Variants in TNXB observed in about 807,000 individuals in gnomAD.
TNXB encodes the protein tenascin-X.
In TNXB, 183 loss-of-function variants were observed where a neutral mutation model predicts 340.5. That is an observed-to-expected ratio of 0.54 (90% CI 0.48 to 0.61). TNXB has a LOEUF of 0.61. Ranked by LOEUF, TNXB falls within the 20% of genes least tolerant of loss-of-function variation. The pLI is 0.00. For synonymous variants in TNXB, 2,121 were observed against 2,314.5 expected, an observed-to-expected ratio of 0.92 and a Z score of 2.40; for missense variants, 4,613 against 5,446.4, an observed-to-expected ratio of 0.85 and a Z score of 4.82.
In TNXB at chr6:32,082,461, G is replaced by A. The variant is rs1011243097; in HGVS notation, c.3446-135C>T. 1 of 911,570 alleles carries A rather than the reference G, an allele frequency of 1.1e-6. No homozygotes were observed. Among genetic ancestry groups the A allele is most frequent in the African/African-American group, 1.7e-5 (1 of 60,272 alleles). 56.5% of individuals were successfully genotyped at this position (911,570 alleles called of 1,614,324 possible). Reference sequence around the variant, plus strand: ...AAAGTGCATTTGCTGAGGGAGTACAGAGGGACTGAAATCCAGCCAGCACTC... The same window carrying A: ...AAAGTGCATTTGCTGAGGGAGTACAAAGGGACTGAAATCCAGCCAGCACTC... On this transcript the variant is annotated intron_variant, in intron 8 of 43. Transcript: ENST00000644971. The surrounding 1 kb of genome is among the most constrained non-coding windows in gnomAD (Gnocchi z 5.0).
At chr6:32,101,102 A>AAAAAAC (rs1780698575) in intron 1 of TNXB, among the ~76,000 whole-genome samples, 2 of 148,614 alleles carry the variant, frequency 1.3e-5, no homozygotes, top group African/African-American at 2.5e-5. Flanking sequence ...AAAAAAAAAA[A>AAAAAAC]TCTCTGCAAA....
Position 32,047,912 on chromosome 6 carries a change from G to C in TNXB, c.10146C>G (p.Phe3382Leu), listed in dbSNP as rs146798373. Residue 3382 changes from phenylalanine to leucine, a missense_variant, in exon 30 of 44, where the codon TTC becomes TTG. Around this residue, in one of 7 missense-constraint regions of TNXB, gnomAD observed 4,327 missense variants for 4,859.4 expected, o/e 0.89. Transcript: ENST00000644971. This position sits in a 1 kb window ranked among gnomAD's most constrained non-coding sequence, Gnocchi z 6.2. ...CCTTGTACTGGACCACGAAGGAGTC[G>C]AATTCGCCCTCAGGGACCGTCCACG... is the stretch of plus-strand genomic sequence containing the variant. ...GLSWTVPEGE[F>L]DSFVVQYKDK... 23 of 1,612,546 alleles carry C rather than the reference G, an allele frequency of 1.4e-5. No homozygotes were observed. Among genetic ancestry groups the C allele is most frequent in the Non-Finnish European group, 1.9e-5 (22 of 1,179,716 alleles).
In TNXB at chr6:32,048,429, T is replaced by C; in HGVS notation, c.9979A>G (p.Lys3327Glu). 7.0e-6 allele frequency: 11 copies of C among 1,569,336 alleles called. No individual in the cohort carries two copies. Among genetic ancestry groups the C allele is most frequent in the Non-Finnish European group, 8.7e-6 (10 of 1,155,116 alleles). ...VSGLDPARKY[K>E]FLLFGLQNGK... ...TTCTGGAGTCCAAAGAGCAGGAACTTGTACTTGCGGGCCGGGTCCAGCCCC... is the reference window on the plus strand; with the variant it reads ...TTCTGGAGTCCAAAGAGCAGGAACTCGTACTTGCGGGCCGGGTCCAGCCCC... The change falls in exon 29 of 44, where the codon AAG becomes GAG. Residue 3327 changes from lysine to glutamate, a missense_variant. By Grantham distance (56) the Lys-to-Glu change is moderately conservative (BLOSUM62 1). Coordinates refer to ENST00000644971, the MANE Select transcript of TNXB (RefSeq NM_001365276.2).
chr6:32,056,510 C>A, intron 23 of TNXB, 76 bp downstream of exon 23: 2 of 1,562,650 alleles, frequency 1.3e-6, no homozygotes, highest in Non-Finnish European at 1.7e-6. Context: ...TGGCCCATTC[C>A]CCACCAGTCA....
At chr6:32,048,226 C>T in intron 29 of TNXB, 137 bp downstream of exon 29, 1 of 1,097,140 alleles carries the variant, frequency 9.1e-7, no homozygotes, top group Non-Finnish European at 1.3e-6. Flanking sequence ...GAGGAGAGCT[C>T]AGGGCCTGGG....
chr6:32,088,799 ACAGAAG>A lies in TNXB; in HGVS notation c.2759_2764del (p.Ala920_Ser921del). The A allele has an allele frequency of 6.4e-7, 1 of 1,574,594 alleles. No individual in the cohort carries two copies. The highest frequency in any genetic ancestry group is 8.6e-7 in the Non-Finnish European group (1 of 1,161,082). Reference sequence around the variant, plus strand: ...GCCAGCCATACCTGTGTTGGCCCTGACAGAAGCTGGGTAGCTGACTGCCCGGCCCCG... The same window carrying A: ...GCCAGCCATACCTGTGTTGGCCCTGACTGGGTAGCTGACTGCCCGGCCCCG... On this transcript the variant is annotated inframe_deletion, in exon 6 of 44. Coordinates refer to ENST00000644971, the MANE Select transcript of TNXB (RefSeq NM_001365276.2).
chr6:32,097,636 T>G lies in TNXB; in HGVS notation c.403+160A>C. The stretch of plus-strand genomic sequence containing the variant: ...GCCCTCGCATATGCTTTGGTTGACA[T>G]GTAGCCCAGCTCTGCTCTCCAAGTT... On this transcript the variant is annotated intron_variant, in intron 2 of 43. Transcript: ENST00000644971. The surrounding 1 kb of genome is among the most constrained non-coding windows in gnomAD (Gnocchi z 5.9). 1 of 1,109,062 alleles carries G rather than the reference T, an allele frequency of 9.0e-7. No homozygotes were observed. Among genetic ancestry groups the G allele is most frequent in the Non-Finnish European group, 1.2e-6 (1 of 801,726 alleles). 68.7% of individuals were successfully genotyped at this position (1,109,062 alleles called of 1,614,324 possible). A position where few individuals can be genotyped will look rare whatever the true frequency, so the allele number is the denominator to read the frequency against.
At position 32,069,811 on chromosome 6, in the gene TNXB, G is replaced by A. The variant is rs1319084528; in HGVS notation, c.5329C>T (p.Arg1777Cys). 3 of 1,610,030 alleles carry A rather than the reference G, an allele frequency of 1.9e-6. No individual in the cohort carries two copies. Among genetic ancestry groups the A allele is most frequent in the Non-Finnish European group, 2.5e-6 (3 of 1,178,292 alleles). Residue 1777 changes from arginine to cysteine, a missense_variant, in exon 15 of 44, where the codon CGT becomes TGT. This residue lies in a region of TNXB where 4,327 missense variants were observed against 4,859.4 expected (regional missense o/e 0.89). Transcript: ENST00000644971. This position sits in a 1 kb window ranked among gnomAD's most constrained non-coding sequence, Gnocchi z 6.2. ...DTGTKRPPKP[R>C]LGEELQVTTV... ...GTCACCTGCAGCTCCTCCCCCAGAC[G>A]GGGTTTTGGGGGACGCTTTGTTCCA...
chr6:32,096,637 C>T lies in TNXB; in HGVS notation c.1216G>A (p.Gly406Ser), dbSNP rs1325904560. Reference sequence around the variant, plus strand: ...CAGCGGCCCCTTTGGTTGCAGTCGCCAGGGCAGCTGCGCACGCCGCAGTCG... The same window carrying T: ...CAGCGGCCCCTTTGGTTGCAGTCGCTAGGGCAGCTGCGCACGCCGCAGTCG... The part of the protein sequence containing the change: ...GDDCGVRSCP[G>S]DCNQRGRCED... The change falls in exon 3 of 44, where the codon GGC (glycine) becomes AGC (serine). Residue 406 changes from glycine to serine, a missense_variant. By Grantham distance (56) the Gly-to-Ser change is moderately conservative (BLOSUM62 0). This residue lies in a region of TNXB where 4,327 missense variants were observed against 4,859.4 expected (regional missense o/e 0.89). Transcript: ENST00000644971. 3.9e-6 allele frequency: 6 copies of T among 1,544,030 alleles called. No individual in the cohort carries two copies. Among genetic ancestry groups the T allele is most frequent in the East Asian group, 2.5e-5 (1 of 40,684 alleles).
chr6:32,079,165 C>T lies in TNXB; in HGVS notation c.4243G>A (p.Ala1415Thr), dbSNP rs900415940. Residue 1415 changes from alanine to threonine, a missense_variant, in exon 11 of 44, where the codon GCG becomes ACG. Coordinates refer to ENST00000644971, the MANE Select transcript of TNXB (RefSeq NM_001365276.2). The surrounding 1 kb of genome is among the most constrained non-coding windows in gnomAD (Gnocchi z 7.1). ...CTCTCCTTGCCCCCAACACGCACCGCCCGGGGCCGCCCATCCCTGTCCTTG... is the reference window on the plus strand; with the variant it reads ...CTCTCCTTGCCCCCAACACGCACCGTCCGGGGCCGCCCATCCCTGTCCTTG... ...QYKDRDGRPR[A>T]VRVGGKESEV... is the part of the protein sequence containing the mutation. 6.2e-7 allele frequency: 1 copy of T among 1,613,760 alleles called. No homozygotes were observed. Among genetic ancestry groups the T allele is most frequent in the Non-Finnish European group, 8.5e-7 (1 of 1,179,898 alleles).
chr6:32,094,987 A>G (rs1420465160), intron 4 of TNXB, 89 bp downstream of exon 4: 7 of 1,111,804 alleles, frequency 6.3e-6, no homozygotes, highest in Admixed American at 6.0e-5. Context: ...GACTCAACCA[A>G]TGATCACCTG....
chr6:32,095,047 C>A, intron 4 of TNXB, 29 bp downstream of exon 4: 1 of 1,530,320 alleles, frequency 6.5e-7, no homozygotes, highest in Non-Finnish European at 8.8e-7. Flanking sequence ...CCCACTCAGT[C>A]CCCTCCTGGA....
chr6:32,079,408 GC>G lies in TNXB; in HGVS notation c.4043-44del. 1 of 1,481,804 alleles carries G rather than the reference GC, an allele frequency of 6.7e-7. No individual in the cohort carries two copies. The highest frequency in any genetic ancestry group is 1.4e-5 in the African/African-American group (1 of 71,688). The allele number at this position is 1,481,804 out of a possible 1,614,324, so 91.8% of individuals were successfully genotyped here. A position where few individuals can be genotyped will look rare whatever the true frequency, so the allele number is the denominator to read the frequency against. On this transcript the variant is annotated intron_variant, in intron 10 of 43. Coordinates refer to ENST00000644971, the MANE Select transcript of TNXB (RefSeq NM_001365276.2). The surrounding 1 kb of genome is among the most constrained non-coding windows in gnomAD (Gnocchi z 7.1). ...GGCATAAAGGGCTGCTGGCTTTGCT[GC>G]TGCTGCCCACAGATGACAGCCATGG...
chr6:32,049,134 A>C lies in TNXB; in HGVS notation c.9757+136T>G. 1 of 1,265,784 alleles carries C rather than the reference A, an allele frequency of 7.9e-7. No homozygotes were observed. Among genetic ancestry groups the C allele is most frequent in the Non-Finnish European group, 1.1e-6 (1 of 943,282 alleles). The allele number at this position is 1,265,784 out of a possible 1,614,324, so 78.4% of individuals were successfully genotyped here. Reference sequence around the variant, plus strand: ...CACAGTCTCCATGAATCCAAGGATGAGGCAGGATCATTAGCAACATGGGAG... The same window carrying C: ...CACAGTCTCCATGAATCCAAGGATGCGGCAGGATCATTAGCAACATGGGAG... On this transcript the variant is annotated intron_variant, in intron 28 of 43. Coordinates refer to ENST00000644971, the MANE Select transcript of TNXB (RefSeq NM_001365276.2). This position sits in a 1 kb window ranked among gnomAD's most constrained non-coding sequence, Gnocchi z 4.5.
chr6:32,056,728 C>T lies in TNXB; in HGVS notation c.8001G>A (p.Gly2667=). 1 of 1,613,284 alleles carries T rather than the reference C, an allele frequency of 6.2e-7. No homozygotes were observed. The highest frequency in any genetic ancestry group is 8.5e-7 in the Non-Finnish European group (1 of 1,179,870). The change falls in exon 23 of 44, where the codon GGG becomes GGA. Residue 2667 remains glycine (G), a synonymous_variant. Coordinates refer to ENST00000644971, the MANE Select transcript of TNXB (RefSeq NM_001365276.2). Reference sequence around the variant, plus strand: ...CCGGCACCCGCACCGCCTTGGGCTGCCCATCCCCATTCCTGTACTGGACCA... The same window carrying T: ...CCGGCACCCGCACCGCCTTGGGCTGTCCATCCCCATTCCTGTACTGGACCA... ...HFLVQYRNGD[G]QPKAVRVPGH... is the part of the protein sequence containing the mutation.
rs1582405555 is a variant in TNXB, at chr6:32,068,566, T to C, written c.6044A>G (p.Asp2015Gly). The change falls in exon 17 of 44, where the codon GAC (aspartate) becomes GGC (glycine). Residue 2015 changes from aspartate (D) to glycine (G), a missense_variant. By Grantham distance (94) the Asp-to-Gly change is moderately conservative. This residue lies in a region of TNXB where 4,327 missense variants were observed against 4,859.4 expected (regional missense o/e 0.89). Coordinates refer to ENST00000644971, the MANE Select transcript of TNXB (RefSeq NM_001365276.2). The surrounding 1 kb of genome is among the most constrained non-coding windows in gnomAD (Gnocchi z 5.3). Reference sequence around the variant, plus strand: ...ATTCCTGTACTGGACCAGGAAGTGGTCAAACTGTCCCTCGGGAACTGTCCA... The same window carrying C: ...ATTCCTGTACTGGACCAGGAAGTGGCCAAACTGTCCCTCGGGAACTGTCCA... The part of the protein sequence containing the change: ...LSWTVPEGQF[D>G]HFLVQYRNGD... 3 of 1,613,938 alleles carry C rather than the reference T, an allele frequency of 1.9e-6. No homozygotes were observed. Among genetic ancestry groups the C allele is most frequent in the Non-Finnish European group, 2.5e-6 (3 of 1,179,888 alleles).
Position 32,069,982 on chromosome 6 carries a change from G to T in TNXB, c.5279-121C>A. The stretch of plus-strand genomic sequence containing the variant: ...GCGTGGCTGAGTCCTGCCGGGCTGT[G>T]CTAGGGGCTTGTGCAGGGACGTGGG... On this transcript the variant is annotated intron_variant, in intron 14 of 43. Transcript: ENST00000644971. The surrounding 1 kb of genome is among the most constrained non-coding windows in gnomAD (Gnocchi z 6.2). 1 of 1,377,610 alleles carries T rather than the reference G, an allele frequency of 7.3e-7. No individual in the cohort carries two copies. Among genetic ancestry groups the T allele is most frequent in the Non-Finnish European group, 9.6e-7 (1 of 1,037,928 alleles). The allele number at this position is 1,377,610 out of a possible 1,614,324, so 85.3% of individuals were successfully genotyped here.
In TNXB at chr6:32,095,623, C is replaced by CTTCG; in HGVS notation, c.2226_2229dup (p.Asp744ArgfsTer11). The CTTCG allele has an allele frequency of 6.2e-7, 1 of 1,612,794 alleles. No homozygotes were observed. The highest frequency in any genetic ancestry group is 1.1e-5 in the South Asian group (1 of 90,990). On this transcript the variant is annotated frameshift_variant, in exon 3 of 44. Coordinates refer to ENST00000644971, the MANE Select transcript of TNXB (RefSeq NM_001365276.2). LOFTEE classifies it high-confidence loss of function. ...GCTGCCTGCTCACCTTCTCCGCAGT[C>CTTCG]TTCGCCAGCATACCCATCTTTGCAG...
At position 32,078,073 on chromosome 6, in the gene TNXB, GAGAAAGAAAGAAAGAAAGAA is replaced by G. The variant is rs57498424; in HGVS notation, c.4375+940_4375+959del. On this transcript the variant is annotated intron_variant, in intron 11 of 43. Transcript: ENST00000644971. ...AGAGAGAGAGAGAGACAGAAAGAAAGAGAAAGAAAGAAAGAAAGAAAGAAAGAAAGAAAGAAAGAAAGAAA... is the reference window on the plus strand; with the variant it reads ...AGAGAGAGAGAGAGACAGAAAGAAAGAGAAAGAAAGAAAGAAAGAAAGAAA... Among the ~76,000 whole-genome samples, 1,084 of 125,074 alleles carry G rather than the reference GAGAAAGAAAGAAAGAAAGAA, an allele frequency of 8.7e-3. 8 individuals carry two copies. Among genetic ancestry groups the G allele is most frequent in the East Asian group, 0.054 (231 of 4,274 alleles). The allele number at this position is 125,074 out of a possible 152,430, so 82.1% of individuals were successfully genotyped here.
Sources: gnomAD v4.1 joint callset for allele counts (sites outside exome capture counted in the v4.1 genomes callset) on GRCh38, gnomAD v4.1.1 for gene constraint, gnomAD v4.1.1 regional missense constraint, Gnocchi (gnomAD v3.1) non-coding constraint, MANE v1.5 for transcripts, NCBI Gene and HGNC (gene_info 2026-07-23, HGNC 2026-07-21) for gene names.